LRRC43: variants seen among roughly 807,000 people sequenced by gnomAD.
LRRC43 encodes the protein leucine-rich repeat-containing protein 43.
Under a neutral mutation model 64.3 loss-of-function variants are expected in LRRC43, and 62 were observed. That is an observed-to-expected ratio of 0.96 (90% CI 0.79 to 1.19). The LOEUF (loss-of-function observed/expected upper bound fraction) is 1.19, where lower values mean the gene tolerates loss of function less well. LRRC43 is among the 50% of genes most tolerant of loss of function. The probability of loss-of-function intolerance (pLI) is 0.00; values close to 1 mark genes in which losing one functional copy is unlikely to be tolerated. For synonymous variants in LRRC43, 422 were observed against 382.3 expected, an observed-to-expected ratio of 1.10 and a Z score of -1.21; for missense variants, 868 against 845.0, an observed-to-expected ratio of 1.03 and a Z score of -0.34.
Position 122,184,532 on chromosome 12 carries a change from T to A in LRRC43, c.164T>A (p.Phe55Tyr), listed in dbSNP as rs1566006784. ...CGAGSWNKSRFLPQTWRTWRE... is the reference protein window; with the variant it reads ...CGAGSWNKSRYLPQTWRTWRE... ...CTGCCACTGCAGAATAAGTCGCGCT[T>A]TCTTCCTCAAACTTGGCGAACTTGG... Residue 55 changes from phenylalanine (F) to tyrosine (Y), a missense_variant, in exon 2 of 12, where the codon TTT (phenylalanine) becomes TAT (tyrosine). Coordinates refer to ENST00000339777, the MANE Select transcript of LRRC43 (RefSeq NM_001098519.2). This position sits in a 1 kb window ranked among gnomAD's most constrained non-coding sequence, Gnocchi z 4.0. 6.2e-7 allele frequency: 1 copy of A among 1,613,546 alleles called. No homozygotes were observed. Among genetic ancestry groups the A allele is most frequent in the Non-Finnish European group, 8.5e-7 (1 of 1,179,724 alleles).
upstream of LRRC43, among the ~76,000 whole-genome samples, chr12:122,178,747 A>T (rs1269842390): frequency 2.0e-5 from 3 of 149,758 alleles, no homozygotes; most frequent in African/African-American, 2.5e-5. Context: ...GTGAGCCACC[A>T]CTCTTGGCGT....
intron 3 of LRRC43, among the ~76,000 whole-genome samples, chr12:122,186,851 A>G (rs1759092669): frequency 6.6e-6 from 1 of 151,780 alleles, no homozygotes; most frequent in African/African-American, 2.4e-5. Context: ...CCCAGGAGGC[A>G]AGGGTTGCAG....
chr12:122,173,097 A>T (rs1021987360), intron 1 of LRRC43, among the ~76,000 whole-genome samples: 1 of 152,052 alleles, frequency 6.6e-6, no homozygotes, highest in African/African-American at 2.4e-5. Context: ...CGCTCCACTT[A>T]TAAAGGAGAG....
chr12:122,201,061 C>G (rs1447203268), intron 10 of LRRC43, 127 bp downstream of exon 10: 1 of 1,242,990 alleles, frequency 8.0e-7, no homozygotes, highest in African/African-American at 1.5e-5. Context: ...GGGCCTTTCC[C>G]TGGGGCATGC....
chr12:122,185,572 G>A (rs1027211767), intron 2 of LRRC43, among the ~76,000 whole-genome samples: 4 of 152,210 alleles, frequency 2.6e-5, no homozygotes, highest in African/African-American at 4.8e-5. Context: ...CTTGGTCTCA[G>A]CCTTCCCAAC....
chr12:122,186,257 G>A lies in LRRC43; in HGVS notation c.479G>A (p.Arg160Gln), dbSNP rs774218011. Residue 160 changes from arginine (R) to glutamine (Q), a missense_variant, in exon 3 of 12, where the codon CGA (arginine) becomes CAA (glutamine). By Grantham distance (43) the Arg-to-Gln change is conservative. Coordinates refer to ENST00000339777, the MANE Select transcript of LRRC43 (RefSeq NM_001098519.2). The part of the protein sequence containing the change: ...KLEELVLSAN[R>Q]IKEVDATNLP... ...GAGGAGTTGGTACTGAGCGCCAATCGAATCAAGGAGGTGGATGCCACCAAT... is the reference window on the plus strand; with the variant it reads ...GAGGAGTTGGTACTGAGCGCCAATCAAATCAAGGAGGTGGATGCCACCAAT... The A allele has an allele frequency of 3.7e-6, 6 of 1,605,710 alleles. No homozygotes were observed. The highest frequency in any genetic ancestry group is 1.7e-5 in the Admixed American group (1 of 58,946).
intron 4 of LRRC43, 113 bp downstream of exon 4, chr12:122,187,953 T>A: frequency 1.8e-6 from 2 of 1,082,142 alleles, no homozygotes; most frequent in Non-Finnish European, 2.7e-6. Context: ...AACTCCCAGT[T>A]GGCTGCTAAA....
chr12:122,200,846 C>G lies in LRRC43; in HGVS notation c.1721C>G (p.Pro574Arg), dbSNP rs187365953. ...GGCCGGGGCCTGGTGATCCTGGAGC[C>G]CCTGCTCGCCGGGGAGCCCCTGGTG... ...VLGRGLVILE[P>R]LLAGEPLVST... The change falls in exon 10 of 12, where the codon CCC becomes CGC. Residue 574 changes from proline (P) to arginine (R), a missense_variant. Coordinates refer to ENST00000339777, the MANE Select transcript of LRRC43 (RefSeq NM_001098519.2). This position sits in a 1 kb window ranked among gnomAD's most constrained non-coding sequence, Gnocchi z 4.6. 2.5e-6 allele frequency: 4 copies of G among 1,613,150 alleles called. No individual in the cohort carries two copies. Among genetic ancestry groups the G allele is most frequent in the East Asian group, 4.5e-5 (2 of 44,888 alleles).
rs544082638 is a variant in LRRC43, at chr12:122,184,850, C to A, written c.411+71C>A. The A allele has an allele frequency of 1.3e-6, 2 of 1,504,878 alleles. No individual in the cohort carries two copies. Among genetic ancestry groups the A allele is most frequent in the Admixed American group, 4.0e-5 (2 of 50,084 alleles). 93.2% of individuals were successfully genotyped at this position (1,504,878 alleles called of 1,614,324 possible). A position where few individuals can be genotyped will look rare whatever the true frequency, so the allele number is the denominator to read the frequency against. The stretch of plus-strand genomic sequence containing the variant: ...CTAAGGGAGGTTGTGGGGAGGGCAC[C>A]CTTCCCCACAGCGCGTCAGGGATCC... On this transcript the variant is annotated intron_variant, in intron 2 of 11. Coordinates refer to ENST00000339777, the MANE Select transcript of LRRC43 (RefSeq NM_001098519.2). The surrounding 1 kb of genome is among the most constrained non-coding windows in gnomAD (Gnocchi z 4.0).
intron 7 of LRRC43, 103 bp downstream of exon 7, chr12:122,193,107 G>C (rs979454773): frequency 1.6e-6 from 2 of 1,289,980 alleles, no homozygotes; most frequent in African/African-American, 3.0e-5. Flanking sequence ...CTGGCGGGGC[G>C]CGGTGGCTCA....
At chr12:122,169,588 C>T (rs191890107) in intron 1 of LRRC43, among the ~76,000 whole-genome samples, 102 of 151,686 alleles carry the variant, frequency 6.7e-4, no homozygotes, top group African/African-American at 2.1e-3. Flanking sequence ...TGGTGGCGGG[C>T]GCCTGTAGTC....
rs748214798 is a variant in LRRC43, at chr12:122,183,158, A to ACGAGTCCGAGTC, written c.27_38dup (p.Ser11_Glu14dup). On this transcript the variant is annotated inframe_insertion, in exon 1 of 12. Coordinates refer to ENST00000339777, the MANE Select transcript of LRRC43 (RefSeq NM_001098519.2). ...GCGGCCCGGGCCATGGAGGCGTCGT[A>ACGAGTCCGAGTC]CGAGTCCGAGTCCGAGTCCGAGTCT... 10 of 1,548,658 alleles carry ACGAGTCCGAGTC rather than the reference A, an allele frequency of 6.5e-6. No individual in the cohort carries two copies. The highest frequency in any genetic ancestry group is 1.9e-5 in the Admixed American group (1 of 53,280).
intron 11 of LRRC43, 56 bp from the exon 12 acceptor site, chr12:122,203,259 G>C (rs569268446): frequency 6.3e-7 from 1 of 1,589,240 alleles, no homozygotes; most frequent in Admixed American, 1.7e-5. Context: ...CAGGGCGGCC[G>C]AGAACGCCAG....
Position 122,187,821 on chromosome 12 carries a change from T to TA in LRRC43, c.644dup (p.Tyr215Ter). ...NKLLGPLESL[Y>*]VTANHWPNLV... Reference sequence around the variant, plus strand: ...ACTTCTAGGCCCCTTGGAAAGTCTCTACGTCACCGCTAATCACTGGTAACT... The same window carrying TA: ...ACTTCTAGGCCCCTTGGAAAGTCTCTAACGTCACCGCTAATCACTGGTAACT... The change falls in exon 4 of 12, where the codon TAC (tyrosine) becomes TAAC (stop). Residue 215 changes from tyrosine to a stop codon, truncating the protein, a stop_gained and frameshift_variant. Coordinates refer to ENST00000339777, the MANE Select transcript of LRRC43 (RefSeq NM_001098519.2). LOFTEE classifies it high-confidence loss of function. 1 of 1,614,094 alleles carries TA rather than the reference T, an allele frequency of 6.2e-7. No homozygotes were observed. The highest frequency in any genetic ancestry group is 2.2e-5 in the East Asian group (1 of 44,878).
upstream of LRRC43, among the ~76,000 whole-genome samples, chr12:122,182,787 T>C (rs904627633): frequency 3.3e-5 from 5 of 152,150 alleles, no homozygotes; most frequent in Admixed American, 2.6e-4. Flanking sequence ...ACTCCAGGGT[T>C]AGAGAGACCA....
chr12:122,199,682 C>G (rs1267973418), intron 7 of LRRC43, among the ~76,000 whole-genome samples: 1 of 151,880 alleles, frequency 6.6e-6, no homozygotes, highest in Non-Finnish European at 1.5e-5. Context: ...TTCCTGGGCT[C>G]AAGCAATCCT....
rs547210187 is a variant in LRRC43 at position 122,190,449 on chromosome 12, G to A, written c.901+81G>A. On this transcript the variant is annotated intron_variant, in intron 5 of 11. Coordinates refer to ENST00000339777, the MANE Select transcript of LRRC43 (RefSeq NM_001098519.2). ...GGCTGTGCCCCGCCCTCCTGGGTCC[G>A]TGTACCCGTCTGTCCTGCAACTCCC... 3.9e-5 allele frequency: 44 copies of A among 1,133,934 alleles called. No homozygotes were observed. The African/African-American group carries it at 4.1e-4, about 11-fold the overall frequency. The allele number at this position is 1,133,934 out of a possible 1,614,324, so 70.2% of individuals were successfully genotyped here. A position where few individuals can be genotyped will look rare whatever the true frequency, so the allele number is the denominator to read the frequency against.
chr12:122,179,597 T>G (rs1226860477), upstream of LRRC43, among the ~76,000 whole-genome samples: 1 of 151,200 alleles, frequency 6.6e-6, no homozygotes, highest in Admixed American at 6.6e-5. Context: ...GTGGAAGTCG[T>G]GTGGAGCCCT....
Position 122,200,496 on chromosome 12 carries a change from G to A in LRRC43, c.1492-36G>A. 7.4e-6 allele frequency: 12 copies of A among 1,613,928 alleles called. No homozygotes were observed. Among genetic ancestry groups the A allele is most frequent in the Non-Finnish European group, 8.5e-6 (10 of 1,179,966 alleles). On this transcript the variant is annotated intron_variant, in intron 8 of 11. Transcript: ENST00000339777. The surrounding 1 kb of genome is among the most constrained non-coding windows in gnomAD (Gnocchi z 4.6). The stretch of plus-strand genomic sequence containing the variant: ...AGGTGACCCCAGGCAGCCCGCCTGG[G>A]CCTCTGCTCACTCGAGGATTCTCTC...
Sources: allele counts gnomAD v4.1 joint callset (sites outside exome capture counted in the v4.1 genomes callset), GRCh38; gene constraint gnomAD v4.1.1; non-coding constraint Gnocchi (gnomAD v3.1); transcripts MANE v1.5; gene names NCBI Gene and HGNC (gene_info 2026-07-23, HGNC 2026-07-21).